MAX: variants seen among roughly 807,000 people sequenced by gnomAD.
MAX encodes the protein MYC associated transcriptional regulator X.
In MAX, 3 loss-of-function variants were observed where a neutral mutation model predicts 22.3. The observed-to-expected ratio is 0.13, with a 90% CI of 0.06 to 0.35. The LOEUF is 0.35. Among genes scored for constraint, MAX ranks in the 10% least tolerant of loss-of-function variants. The probability of loss-of-function intolerance (pLI) is 1.00; values close to 1 mark genes in which losing one functional copy is unlikely to be tolerated. For synonymous variants in MAX, 72 were observed against 77.7 expected (o/e 0.93, Z 0.39); for missense variants, 119 against 209.4 (o/e 0.57, Z 2.66).
intron 3 of MAX, among the ~76,000 whole-genome samples, chr14:65,036,790 A>T (rs2062202658): frequency 1.3e-5 from 2 of 152,046 alleles, no homozygotes; most frequent in East Asian, 3.9e-4. Flanking sequence ...GGTGCCTGCC[A>T]CCATGCCTGA....
Position 65,054,459 on chromosome 14 carries a change from C to A in MAX, c.171+39249G>T. On this transcript the variant is annotated intron_variant, in intron 3 of 3. Coordinates refer to the MAX transcript ENST00000341653. This position sits in a 1 kb window ranked among gnomAD's most constrained non-coding sequence, Gnocchi z 4.4. ...GGGAAAACCATGCCTCCTCTAGCCA[C>A]ATGGAGGATGGGGGGGGACGTGTGA... 9.5e-7 allele frequency: 1 copy of A among 1,052,264 alleles called. No homozygotes were observed. The highest frequency in any genetic ancestry group is 1.4e-6 in the Non-Finnish European group (1 of 724,694). 65.2% of individuals were successfully genotyped at this position (1,052,264 alleles called of 1,614,324 possible).
At chr14:65,061,309 C>T (rs757187703) in intron 3 of MAX, 1 of 1,613,778 alleles carries the variant, frequency 6.2e-7, no homozygotes, top group South Asian at 1.1e-5. Context: ...CTGCAACCGA[C>T]TAGAGGACCT....
chr14:65,053,216 C>T (rs751664453), intron 3 of MAX: 56 of 1,358,110 alleles, frequency 4.1e-5, no homozygotes, highest in East Asian at 8.3e-5. Context: ...CGGGCCCTTA[C>T]TGACCCTTTG....
At chr14:65,074,098 C>G (rs1283473386), downstream of MAX, among the ~76,000 whole-genome samples, 2 of 152,182 alleles carry the variant, frequency 1.3e-5, no homozygotes, top group African/African-American at 4.8e-5. Flanking sequence ...ATCAACATGG[C>G]TTCACCCACA....
At chr14:65,061,493 G>T in intron 3 of MAX, 1 of 1,154,996 alleles carries the variant, frequency 8.7e-7, no homozygotes, top group Non-Finnish European at 1.2e-6. Flanking sequence ...ACAGTGGCTG[G>T]TTTTAAAAAT....
At position 65,027,365 on chromosome 14, in the gene MAX, AT is replaced by A. The variant is rs2062002315; in HGVS notation, c.172-21082del. The stretch of plus-strand genomic sequence containing the variant: ...TCAACTTTTGAGGGAGTGGGGGATC[AT>A]TGGAAAGGCCTGGAATCTAGTGGGA... On this transcript the variant is annotated intron_variant, in intron 3 of 3. Coordinates refer to the MAX transcript ENST00000341653. The surrounding 1 kb of genome is among the most constrained non-coding windows in gnomAD (Gnocchi z 5.7). 5 of 1,565,682 alleles carry A rather than the reference AT, an allele frequency of 3.2e-6. No homozygotes were observed. The highest frequency in any genetic ancestry group is 4.3e-6 in the Non-Finnish European group (5 of 1,155,956).
intron 3 of MAX, among the ~76,000 whole-genome samples, chr14:65,085,586 T>C (rs2063309094): frequency 1.3e-5 from 2 of 152,106 alleles, no homozygotes; most frequent in African/African-American, 4.8e-5. Context: ...ACCATTTAAT[T>C]AGGTGATAAG....
At chr14:65,068,587 A>G (rs1485678416) in intron 3 of MAX, among the ~76,000 whole-genome samples, 1 of 152,024 alleles carries the variant, frequency 6.6e-6, no homozygotes, top group Non-Finnish European at 1.5e-5. Context: ...ACTTCATATT[A>G]TGTTCCAATG....
In MAX at chr14:65,032,418, G is replaced by A. The variant is rs1486901613; in HGVS notation, c.172-26134C>T. On this transcript the variant is annotated intron_variant, in intron 3 of 3. Transcript: ENST00000341653. The surrounding 1 kb of genome is among the most constrained non-coding windows in gnomAD (Gnocchi z 5.0). ...CATGTTCTTTCACTGAAGCCATGCC[G>A]TGAGCAACTCTATCCAAATAGAATG... 4.1e-6 allele frequency: 2 copies of A among 492,504 alleles called. No homozygotes were observed. Among genetic ancestry groups the A allele is most frequent in the Non-Finnish European group, 3.5e-6 (1 of 282,636 alleles). 30.5% of individuals were successfully genotyped at this position (492,504 alleles called of 1,614,324 possible). A position where few individuals can be genotyped will look rare whatever the true frequency, so the allele number is the denominator to read the frequency against.
intron 3 of MAX, among the ~76,000 whole-genome samples, chr14:65,089,022 A>T (rs997117625): frequency 1.3e-5 from 2 of 152,200 alleles, no homozygotes; most frequent in Admixed American, 6.5e-5. Flanking sequence ...TCAGCATGTT[A>T]TCTCATTATT....
chr14:65,012,530 G>A lies in MAX; in HGVS notation c.172-6246C>T, dbSNP rs762283921. The A allele has an allele frequency of 2.4e-5, 28 of 1,183,278 alleles. No homozygotes were observed. Among genetic ancestry groups the A allele is most frequent in the South Asian group, 1.4e-4 (10 of 69,248 alleles). The allele number at this position is 1,183,278 out of a possible 1,614,324, so 73.3% of individuals were successfully genotyped here. On this transcript the variant is annotated intron_variant, in intron 3 of 3. Coordinates refer to the MAX transcript ENST00000341653. The surrounding 1 kb of genome is among the most constrained non-coding windows in gnomAD (Gnocchi z 5.0). ...CTCTGTGGCTCTGGCAGGAGGTAGG[G>A]TGCTGTCACAGAGCTGGGACTCAGC...
At chr14:65,080,119 T>G (rs2063165670) in intron 3 of MAX, among the ~76,000 whole-genome samples, 1 of 152,218 alleles carries the variant, frequency 6.6e-6, no homozygotes. Context: ...GGCTTCTGGC[T>G]GGGGTGATTA....
chr14:65,060,360 G>C lies in MAX; in HGVS notation c.171+33348C>G, dbSNP rs1022982491. Among the ~76,000 whole-genome samples, 18 of 149,392 alleles carry C rather than the reference G, an allele frequency of 1.2e-4. No homozygotes were observed. In the East Asian group the frequency reaches 1.9e-3, roughly 15 times the overall value. ...CCCCAGCACTTTGGGAGGCCGAGGCGGGTGGATCACCTGAGGTCAGGAGTT... is the reference window on the plus strand; with the variant it reads ...CCCCAGCACTTTGGGAGGCCGAGGCCGGTGGATCACCTGAGGTCAGGAGTT... On this transcript the variant is annotated intron_variant, in intron 3 of 3. Transcript: ENST00000341653.
chr14:65,102,268 CA>C (rs1175798897), intron 1 of MAX, 35 bp downstream of exon 1: 1 of 1,613,050 alleles, frequency 6.2e-7, no homozygotes, highest in Non-Finnish European at 8.5e-7. Context: ...CCCCGCCTGA[CA>C]ACCCGCACGG....
chr14:65,008,608 T>C (rs1282723324), intron 3 of MAX, among the ~76,000 whole-genome samples: 2 of 152,194 alleles, frequency 1.3e-5, no homozygotes, highest in African/African-American at 4.8e-5. Flanking sequence ...GCTGAATCTG[T>C]AGGTGGAATA....
Position 65,084,191 on chromosome 14 carries a change from ATTC to A in MAX, c.172-6158_172-6156del. 6.2e-7 allele frequency: 1 copy of A among 1,614,082 alleles called. No individual in the cohort carries two copies. The highest frequency in any genetic ancestry group is 2.2e-5 in the East Asian group (1 of 44,882). ...AAAACAATCATTTTTTAAATCTTGC[ATTC>A]TTTTTTCTTGTGCACTTGGTAGCTT... On this transcript the variant is annotated intron_variant, in intron 3 of 4. Transcript: ENST00000358664. This position sits in a 1 kb window ranked among gnomAD's most constrained non-coding sequence, Gnocchi z 4.3.
rs2139766691 is a variant in MAX at position 65,079,437 on chromosome 14, A to T, written c.172-1401T>A. Among the ~76,000 whole-genome samples, 1 of 152,362 alleles carries T rather than the reference A, an allele frequency of 6.6e-6. No individual in the cohort carries two copies. Among genetic ancestry groups the T allele is most frequent in the Non-Finnish European group, 1.5e-5 (1 of 68,036 alleles). ...TCATGTTACTGTGCCCCTAGACATC[A>T]AACTTGTCTGGGAGATTCTCTCCAG... On this transcript the variant is annotated intron_variant, in intron 3 of 4. Coordinates refer to ENST00000358664, the MANE Select transcript of MAX (RefSeq NM_002382.5). The surrounding 1 kb of genome is among the most constrained non-coding windows in gnomAD (Gnocchi z 4.5).
In MAX at chr14:65,082,128, T is replaced by C. The variant is rs2063213748; in HGVS notation, c.172-4092A>G. 1 of 152,286 alleles carries C rather than the reference T, an allele frequency of 6.6e-6. No individual in the cohort carries two copies. Among genetic ancestry groups the C allele is most frequent in the Non-Finnish European group, 1.5e-5 (1 of 68,012 alleles). The allele number at this position is 152,286 out of a possible 1,614,324, so 9.4% of individuals were successfully genotyped here. On this transcript the variant is annotated intron_variant, in intron 3 of 4. Transcript: ENST00000358664. The surrounding 1 kb of genome is among the most constrained non-coding windows in gnomAD (Gnocchi z 4.8). The stretch of plus-strand genomic sequence containing the variant: ...AGACACAGAGCTGTAATTTACCCAA[T>C]GTTATGTAAACTAATAGGAAGTTGA...
chr14:65,008,432 TGGGCCTGCCCCTGCTGGGCTCTTGGTC>T (rs2061629361), intron 3 of MAX, among the ~76,000 whole-genome samples: 1 of 152,230 alleles, frequency 6.6e-6, no homozygotes. Context: ...AGGCTAGCCC[TGGGCCTGCCCCTGCTGGGCTCTTGGTC>T]TAGTGGGGGA....
Sources: allele counts gnomAD v4.1 joint callset (sites outside exome capture counted in the v4.1 genomes callset), GRCh38; gene constraint gnomAD v4.1.1; non-coding constraint Gnocchi (gnomAD v3.1); transcripts MANE v1.5; gene names NCBI Gene and HGNC (gene_info 2026-07-23, HGNC 2026-07-21).